The following CMPK2 variants were observed in gnomAD, a reference collection of about 807,000 sequenced individuals.
CMPK2 encodes cytidine/uridine monophosphate kinase 2.
CMPK2 carries 32 observed loss-of-function variants against 33.4 expected under a neutral mutation model. That is an observed-to-expected ratio of 0.96 (90% CI 0.72 to 1.29). The LOEUF is 1.29. Ranked by LOEUF, CMPK2 falls within the 50% of genes most tolerant of loss-of-function variation. CMPK2 has a pLI of 0.00. For missense variants in CMPK2, 672 were observed against 616.0 expected (o/e 1.09, Z -0.96); for synonymous variants, 299 against 275.3 (o/e 1.09, Z -0.85).
At chr2:6,842,978 G>A (rs1202238830) in intron 3 of CMPK2, among the ~76,000 whole-genome samples, 1 of 152,190 alleles carries the variant, frequency 6.6e-6, no homozygotes, top group Admixed American at 6.5e-5. Flanking sequence ...ATTAAGAAGA[G>A]CCTCAGTGCA....
At chr2:6,850,978 G>T in intron 4 of CMPK2, 1 of 1,000,352 alleles carries the variant, frequency 1.0e-6, no homozygotes, top group Non-Finnish European at 1.2e-6. Context: ...TGTACATTTA[G>T]ACAAATCACT....
chr2:6,859,194 G>T (rs1342648830), intron 3 of CMPK2, among the ~76,000 whole-genome samples: 3 of 152,230 alleles, frequency 2.0e-5, no homozygotes, highest in Non-Finnish European at 4.4e-5. Context: ...CATTCAAGAG[G>T]TGACTTGGAT....
At chr2:6,841,027 AT>A (rs1295540747) in intron 3 of CMPK2, among the ~76,000 whole-genome samples, 1 of 151,962 alleles carries the variant, frequency 6.6e-6, no homozygotes, top group African/African-American at 2.4e-5. Flanking sequence ...TAATGATATC[AT>A]TTGTTTTCTC....
In CMPK2 at chr2:6,861,245, T is replaced by C; in HGVS notation, c.931A>G (p.Asn311Asp). The change falls in exon 3 of 5, where the codon AAT (asparagine) becomes GAT (aspartate). Residue 311 changes from asparagine to aspartate, a missense_variant. Transcript: ENST00000256722. Reference sequence around the variant, plus strand: ...GCTATTTCGGAGGCCACAATATAATTGCCCAAAGAGTAAAAAGCTCTTCTA... The same window carrying C: ...GCTATTTCGGAGGCCACAATATAATCGCCCAAAGAGTAAAAAGCTCTTCTA... ...IIRRAFYSLG[N>D]YIVASEIAKE... 1 of 1,614,156 alleles carries C rather than the reference T, an allele frequency of 6.2e-7. No individual in the cohort carries two copies. The highest frequency in any genetic ancestry group is 8.5e-7 in the Non-Finnish European group (1 of 1,180,028).
At chr2:6,845,564 G>C (rs1403050026), downstream of CMPK2, among the ~76,000 whole-genome samples, 1 of 152,202 alleles carries the variant, frequency 6.6e-6, no homozygotes, top group Admixed American at 6.5e-5. Context: ...CAGTAGGGCA[G>C]GACTAGTCAT....
At chr2:6,860,193 C>T (rs928458252) in intron 3 of CMPK2, among the ~76,000 whole-genome samples, 6 of 152,156 alleles carry the variant, frequency 3.9e-5, no homozygotes, top group African/African-American at 1.2e-4. Flanking sequence ...AACTAACTTG[C>T]TTTTGATTTT....
intron 3 of CMPK2, among the ~76,000 whole-genome samples, chr2:6,860,477 T>C (rs1299266559): frequency 1.3e-5 from 2 of 152,196 alleles, no homozygotes; most frequent in Non-Finnish European, 2.9e-5. Context: ...TACCATGCTG[T>C]TCTCATGATT....
Position 6,863,715 on chromosome 2 carries a change from T to A in CMPK2, c.676-137A>T, listed in dbSNP as rs1391856171. 1.3e-5 allele frequency: 8 copies of A among 612,714 alleles called. No homozygotes were observed. The African/African-American group carries it at 1.5e-4, about 11-fold the overall frequency. The allele number at this position is 612,714 out of a possible 1,614,324, so 38.0% of individuals were successfully genotyped here. A position where few individuals can be genotyped will look rare whatever the true frequency, so the allele number is the denominator to read the frequency against. On this transcript the variant is annotated intron_variant, in intron 1 of 4. Coordinates refer to ENST00000256722, the MANE Select transcript of CMPK2 (RefSeq NM_207315.4). ...GAGCACTGTGCCAGGCCATGGGAAT[T>A]CAGAGTATTTCGATGCTAGGATGGA...
chr2:6,852,208 T>C (rs1347811200), intron 3 of CMPK2, among the ~76,000 whole-genome samples: 2 of 152,214 alleles, frequency 1.3e-5, no homozygotes, highest in African/African-American at 4.8e-5. Context: ...TGCCTCAGTA[T>C]GAGACAGGGA....
At chr2:6,864,126 AC>A (rs1188977653) in intron 1 of CMPK2, among the ~76,000 whole-genome samples, 1 of 152,166 alleles carries the variant, frequency 6.6e-6, no homozygotes, top group East Asian at 1.9e-4. Flanking sequence ...CGAGGCTCAG[AC>A]ACTTATGTGC....
chr2:6,854,599 C>T (rs554833224), intron 3 of CMPK2, among the ~76,000 whole-genome samples: 18 of 152,244 alleles, frequency 1.2e-4, no homozygotes, highest in Admixed American at 2.6e-4. Flanking sequence ...ATTGAAAATA[C>T]GGCTGCTTGT....
At position 6,849,859 on chromosome 2, in the gene CMPK2, A is replaced by T; in HGVS notation, c.1341T>A (p.Ser447Arg). 1 of 1,613,986 alleles carries T rather than the reference A, an allele frequency of 6.2e-7. No homozygotes were observed. The highest frequency in any genetic ancestry group is 8.5e-7 in the Non-Finnish European group (1 of 1,179,944). ...CACCTGGCCAGAGTAACTACGGTTC[A>T]CTAAAACTATTCTGGATTAGGCTTA... ...TVLSLIQNSF[S>R]EP The change falls in exon 5 of 5, where the codon AGT becomes AGA. Residue 447 changes from serine to arginine, a missense_variant. Transcript: ENST00000256722.
chr2:6,854,076 A>G (rs1044285279), intron 3 of CMPK2, among the ~76,000 whole-genome samples: 2 of 151,974 alleles, frequency 1.3e-5, no homozygotes, highest in African/African-American at 4.8e-5. Flanking sequence ...TTACTCACAA[A>G]CTTGTACTTT....
chr2:6,845,469 C>T (rs927306888), downstream of CMPK2, among the ~76,000 whole-genome samples: 1 of 152,096 alleles, frequency 6.6e-6, no homozygotes, highest in Non-Finnish European at 1.5e-5. Flanking sequence ...TCTTCTCCTT[C>T]CTTCTCTCCT....
chr2:6,865,439 C>A lies in CMPK2; in HGVS notation c.258G>T (p.Gly86=). 1 of 1,283,912 alleles carries A rather than the reference C, an allele frequency of 7.8e-7. No homozygotes were observed. Among genetic ancestry groups the A allele is most frequent in the Non-Finnish European group, 9.8e-7 (1 of 1,020,774 alleles). The allele number at this position is 1,283,912 out of a possible 1,614,324, so 79.5% of individuals were successfully genotyped here. A position where few individuals can be genotyped will look rare whatever the true frequency, so the allele number is the denominator to read the frequency against. The part of the protein sequence containing the change: ...CVPVTPDAGC[G]ARVRAARLHQ... ...GCAGCCGCGCCGCCCGGACCCGGGC[C>A]CCGCAGCCGGCGTCCGGGGTCACGG... Residue 86 remains glycine (G), a synonymous_variant, in exon 1 of 5, where the codon GGG becomes GGT. Transcript: ENST00000256722.
chr2:6,847,582 G>A (rs555963861), downstream of CMPK2, among the ~76,000 whole-genome samples: 5 of 152,248 alleles, frequency 3.3e-5, no homozygotes, highest in East Asian at 9.7e-4. Flanking sequence ...TACATTATGT[G>A]GGGTGAGGCA....
intron 2 of CMPK2, 147 bp downstream of exon 2, chr2:6,863,317 C>T: frequency 1.6e-6 from 1 of 642,804 alleles, no homozygotes; most frequent in Non-Finnish European, 2.8e-6. Flanking sequence ...ATCTCTGCAT[C>T]CCAGGGCCTG....
At chr2:6,853,925 T>C (rs920489464) in intron 3 of CMPK2, among the ~76,000 whole-genome samples, 3 of 151,948 alleles carry the variant, frequency 2.0e-5, no homozygotes, top group African/African-American at 4.8e-5. Context: ...AAAATTCACT[T>C]GGGAGTTGAT....
chr2:6,853,157 C>G (rs577769773), intron 3 of CMPK2, among the ~76,000 whole-genome samples: 107 of 152,256 alleles, frequency 7.0e-4, no homozygotes, highest in African/African-American at 2.4e-3. Flanking sequence ...ATCATGCTGG[C>G]CAGGCTGGTC....
Sources: gnomAD v4.1 joint callset for allele counts (sites outside exome capture counted in the v4.1 genomes callset) on GRCh38, gnomAD v4.1.1 for gene constraint, MANE v1.5 for transcripts, NCBI Gene and HGNC (gene_info 2026-07-23, HGNC 2026-07-21) for gene names.